The following CPLX1 variants were observed in gnomAD, a reference collection of about 807,000 sequenced individuals.
CPLX1 encodes the protein complexin-1.
Under a neutral mutation model 15.6 loss-of-function variants are expected in CPLX1, and 6 were observed. The ratio of observed to expected loss-of-function variants is 0.39; its 90% CI spans 0.21 to 0.76. The LOEUF is 0.76. Ranked by LOEUF, CPLX1 falls within the 30% of genes least tolerant of loss-of-function variation. The pLI is 0.43. For missense variants in CPLX1, 242 were observed against 188.6 expected (o/e 1.28, Z -1.66); for synonymous variants, 91 against 75.2 (o/e 1.21, Z -1.08).
rs1196637206 is a variant in CPLX1 at position 816,874 on chromosome 4, G to A, written c.31+7618C>T. The stretch of plus-strand genomic sequence containing the variant: ...GAGGAGTCGGAAGAGTATAAAGTGT[G>A]CAGAAGTCCTGGAAGTGTGTTGGCA... On this transcript the variant is annotated intron_variant, in intron 2 of 3. Coordinates refer to ENST00000304062, the MANE Select transcript of CPLX1 (RefSeq NM_006651.4). Among the ~76,000 whole-genome samples the A allele has an allele frequency of 2.6e-5, 4 of 152,130 alleles. No individual in the cohort carries two copies. In the East Asian group the frequency reaches 7.7e-4, roughly 29 times the overall value.
At chr4:813,535 C>A (rs758832135) in intron 2 of CPLX1, among the ~76,000 whole-genome samples, 14 of 152,116 alleles carry the variant, frequency 9.2e-5, no homozygotes, top group African/African-American at 2.2e-4. Flanking sequence ...GCCCACCACC[C>A]ACGTGGCAAT....
At chr4:817,876 C>T (rs896609560) in intron 2 of CPLX1, among the ~76,000 whole-genome samples, 3 of 152,092 alleles carry the variant, frequency 2.0e-5, no homozygotes, top group Admixed American at 6.5e-5. Flanking sequence ...CCTGTGGGCA[C>T]GCTGGACATA....
chr4:794,719 A>T (rs1156320138), intron 2 of CPLX1, among the ~76,000 whole-genome samples: 1 of 152,196 alleles, frequency 6.6e-6, no homozygotes, highest in African/African-American at 2.4e-5. Flanking sequence ...TCCCTCCTGG[A>T]AAGGACTGGC....
intron 2 of CPLX1, among the ~76,000 whole-genome samples, chr4:814,854 C>T (rs562850302): frequency 5.9e-4 from 90 of 152,268 alleles, no homozygotes; most frequent in African/African-American, 2.0e-3. Context: ...GGGTAACTAG[C>T]GTTCAAGCCG....
intron 3 of CPLX1, chr4:787,952 C>T (rs1746051809): frequency 9.1e-6 from 9 of 985,362 alleles, no homozygotes; most frequent in Non-Finnish European, 1.1e-5. Context: ...TGAACAGGAC[C>T]CCCGGGCCAG....
At chr4:787,926 CTGGA>C in intron 3 of CPLX1, 1 of 985,268 alleles carries the variant, frequency 1.0e-6, no homozygotes, top group African/African-American at 1.7e-5. Flanking sequence ...TTGTACGGAG[CTGGA>C]CTTCCATCCC....
rs1746937468 is a variant in CPLX1 at position 824,551 on chromosome 4, C to T, written c.-29G>A. The stretch of plus-strand genomic sequence containing the variant: ...GATTGCTCTGCTTCCACAGTGGCTC[C>T]TCCAGGGGTCAGAACTCACACGCAA... On this transcript the variant is annotated 5_prime_UTR_variant, in exon 2 of 4. Coordinates refer to ENST00000304062, the MANE Select transcript of CPLX1 (RefSeq NM_006651.4). 1 of 1,612,432 alleles carries T rather than the reference C, an allele frequency of 6.2e-7. No homozygotes were observed. The highest frequency in any genetic ancestry group is 8.5e-7 in the Non-Finnish European group (1 of 1,179,422).
intron 3 of CPLX1, chr4:787,629 C>T: frequency 1.0e-6 from 1 of 957,276 alleles, no homozygotes; most frequent in Non-Finnish European, 1.2e-6. Flanking sequence ...TCGGGGCCGC[C>T]AGACGCAGGA....
At chr4:787,855 C>T in intron 3 of CPLX1, 2 of 985,436 alleles carry the variant, frequency 2.0e-6, no homozygotes, top group Middle Eastern at 5.2e-4. Flanking sequence ...CAGCCTCCTG[C>T]TGCCCAGGAA....
At chr4:800,483 T>C (rs1253071398) in intron 2 of CPLX1, among the ~76,000 whole-genome samples, 1 of 143,280 alleles carries the variant, frequency 7.0e-6, no homozygotes, top group Non-Finnish European at 1.5e-5. Context: ...AAAAAATATA[T>C]ATATATATAC....
chr4:798,267 C>T (rs1409101510), intron 2 of CPLX1, among the ~76,000 whole-genome samples: 24 of 119,816 alleles, frequency 2.0e-4, no homozygotes, highest in Non-Finnish European at 2.7e-4. Flanking sequence ...AGTGAGACTC[C>T]GTCTCAAAAA....
Position 786,645 on chromosome 4 carries a change from C to T in CPLX1, c.261G>A (p.Glu87=), listed in dbSNP as rs1746000349. Residue 87 remains glutamate, a synonymous_variant, in exon 4 of 4, where the codon GAG becomes GAA. Transcript: ENST00000304062. ...EREAEAQAAM[E]ANSEGSLTRP... is the part of the protein sequence containing the mutation. Reference sequence around the variant, plus strand: ...GCGTCAAGCTCCCCTCGGAGTTGGCCTCCATGGCGGCCTGGGCCTCGGCCT... The same window carrying T: ...GCGTCAAGCTCCCCTCGGAGTTGGCTTCCATGGCGGCCTGGGCCTCGGCCT... 24 of 1,612,260 alleles carry T rather than the reference C, an allele frequency of 1.5e-5. No homozygotes were observed. The highest frequency in any genetic ancestry group is 1.9e-5 in the Non-Finnish European group (22 of 1,179,364).
At chr4:800,734 A>AATAT (rs60050126) in intron 2 of CPLX1, among the ~76,000 whole-genome samples, 7 of 88,718 alleles carry the variant, frequency 7.9e-5, no homozygotes, top group Admixed American at 2.0e-4. Flanking sequence ...TAAAAAAAAA[A>AATAT]ATATATATAT....
intron 2 of CPLX1, among the ~76,000 whole-genome samples, chr4:800,960 T>C (rs984723449): frequency 6.6e-6 from 1 of 151,370 alleles, no homozygotes; most frequent in Non-Finnish European, 1.5e-5. Context: ...GAGGTTGCAG[T>C]GAGCCAAGAT....
chr4:822,405 C>T (rs1576999707), intron 2 of CPLX1, among the ~76,000 whole-genome samples: 1 of 151,800 alleles, frequency 6.6e-6, no homozygotes, highest in African/African-American at 2.4e-5. Flanking sequence ...CTGTCTCCGT[C>T]TCTCCCTCTT....
intron 2 of CPLX1, among the ~76,000 whole-genome samples, chr4:805,435 A>T (rs1432371110): frequency 6.6e-6 from 1 of 152,208 alleles, no homozygotes; most frequent in East Asian, 1.9e-4. Flanking sequence ...GACGGCTGTT[A>T]TCAAAAACCA....
Position 785,666 on chromosome 4 carries a change from G to GGCAGGGGC in CPLX1, c.*827_*834dup, listed in dbSNP as rs1173818134. On this transcript the variant is annotated 3_prime_UTR_variant, in exon 4 of 4. Transcript: ENST00000304062. ...GGAGCTGCCCACGGAGGAGGTGCTG[G>GGCAGGGGC]GCAGGGGCGCAGGGTCTCCAGCGTC... 5 of 152,590 alleles carry GGCAGGGGC rather than the reference G, an allele frequency of 3.3e-5. No individual in the cohort carries two copies. The highest frequency in any genetic ancestry group is 1.2e-4 in the African/African-American group (5 of 41,466). 9.5% of individuals were successfully genotyped at this position (152,590 alleles called of 1,614,324 possible).
intron 2 of CPLX1, among the ~76,000 whole-genome samples, chr4:813,327 G>C (rs1343997932): frequency 6.6e-6 from 1 of 151,678 alleles, no homozygotes; most frequent in Non-Finnish European, 1.5e-5. Context: ...CACAACAAGA[G>C]AGGAGAGGCC....
rs1745990626 is a variant in CPLX1 at position 786,441 on chromosome 4, C to A, written c.*60G>T. The A allele has an allele frequency of 6.7e-7, 1 of 1,482,460 alleles. No individual in the cohort carries two copies. Among genetic ancestry groups the A allele is most frequent in the African/African-American group, 1.4e-5 (1 of 70,666 alleles). The allele number at this position is 1,482,460 out of a possible 1,614,324, so 91.8% of individuals were successfully genotyped here. On this transcript the variant is annotated 3_prime_UTR_variant, in exon 4 of 4. Coordinates refer to ENST00000304062, the MANE Select transcript of CPLX1 (RefSeq NM_006651.4). The stretch of plus-strand genomic sequence containing the variant: ...CGCTCTGCTCGTCCCTCAGGGGCCT[C>A]CGCGGAGGATCTGTAGGGGGAGGGG...
Sources: gnomAD v4.1 joint callset for allele counts (sites outside exome capture counted in the v4.1 genomes callset) on GRCh38, gnomAD v4.1.1 for gene constraint, MANE v1.5 for transcripts, NCBI Gene and HGNC (gene_info 2026-07-23, HGNC 2026-07-21) for gene names.